CDYL2: variants seen among roughly 807,000 people sequenced by gnomAD.
The protein encoded by CDYL2 is chromodomain Y-like protein 2.
A neutral mutation model predicts 49.4 loss-of-function variants in CDYL2; 23 were observed. The ratio of observed to expected loss-of-function variants is 0.47; its 90% confidence interval spans 0.34 to 0.66. CDYL2 has a LOEUF of 0.66. Among genes scored for constraint, CDYL2 ranks in the 30% least tolerant of loss-of-function variants. The pLI is 0.01. For synonymous variants in CDYL2, 360 were observed against 268.8 expected, an observed-to-expected ratio of 1.34 and a Z score of -3.32; for missense variants, 678 against 656.4, an observed-to-expected ratio of 1.03 and a Z score of -0.36.
chr16:80,782,708 A>T (rs1907312247), intron 1 of CDYL2, among the ~76,000 whole-genome samples: 1 of 152,024 alleles, frequency 6.6e-6, no homozygotes, highest in Non-Finnish European at 1.5e-5. Context: ...AAATCAATAA[A>T]TGTAATATGT....
intron 2 of CDYL2, among the ~76,000 whole-genome samples, chr16:80,664,129 C>G (rs534431936): frequency 1.1e-4 from 16 of 152,136 alleles, no homozygotes; most frequent in Non-Finnish European, 7.3e-5. Flanking sequence ...TTTCTTGCAA[C>G]TCCCCTGCTC....
chr16:80,715,121 G>C (rs1047274493), intron 1 of CDYL2, among the ~76,000 whole-genome samples: 19 of 152,128 alleles, frequency 1.2e-4, no homozygotes, highest in African/African-American at 4.6e-4. Flanking sequence ...TGTAACTGCA[G>C]TACGGTACAC....
chr16:80,718,436 G>A (rs111341115), intron 1 of CDYL2, among the ~76,000 whole-genome samples: 11 of 152,206 alleles, frequency 7.2e-5, no homozygotes, highest in African/African-American at 2.7e-4. Context: ...TAATTTACAG[G>A]TGTGGAAACT....
intron 1 of CDYL2, among the ~76,000 whole-genome samples, chr16:80,773,162 T>C (rs554330047): frequency 2.0e-5 from 3 of 152,290 alleles, no homozygotes; most frequent in African/African-American, 7.2e-5. Flanking sequence ...GCTGTACTAA[T>C]ATCAGATATT....
chr16:80,644,103 T>G (rs1357704920), intron 2 of CDYL2, among the ~76,000 whole-genome samples: 1 of 152,240 alleles, frequency 6.6e-6, no homozygotes, highest in East Asian at 1.9e-4. Context: ...CTTTGCTGCT[T>G]AGAAATTTCT....
At position 80,722,515 on chromosome 16, in the gene CDYL2, C is replaced by T. The variant is rs553633400; in HGVS notation, c.25-37386G>A. Among the ~76,000 whole-genome samples, 6 of 152,298 alleles carry T rather than the reference C, an allele frequency of 3.9e-5. No individual in the cohort carries two copies. The South Asian group carries it at 6.2e-4, about 16-fold the overall frequency. ...CCAACAACGGCAAAGTCATCAACAA[C>T]GGAATGGGCACACAAGCTGCATGTA... On this transcript the variant is annotated intron_variant, in intron 1 of 6. Transcript: ENST00000570137.
At chr16:80,704,410 G>A (rs1021541562) in intron 1 of CDYL2, among the ~76,000 whole-genome samples, 3 of 152,238 alleles carry the variant, frequency 2.0e-5, no homozygotes, top group Admixed American at 6.5e-5. Flanking sequence ...CACTGCAGGA[G>A]ACACCAGAGG....
chr16:80,719,188 C>T (rs1033371017), intron 1 of CDYL2, among the ~76,000 whole-genome samples: 8 of 152,136 alleles, frequency 5.3e-5, no homozygotes, highest in Non-Finnish European at 1.0e-4. Context: ...CACTGACCCC[C>T]GTGAATGCAA....
chr16:80,735,734 G>A (rs552917625), intron 1 of CDYL2, among the ~76,000 whole-genome samples: 32 of 152,236 alleles, frequency 2.1e-4, no homozygotes, highest in East Asian at 1.4e-3. Flanking sequence ...CTGGACTCTC[G>A]ACAGAGTACT....
Position 80,603,113 on chromosome 16 carries a change from T to TC in CDYL2, c.*1274dup, listed in dbSNP as rs1248601137. On this transcript the variant is annotated 3_prime_UTR_variant, in exon 7 of 7. Coordinates refer to ENST00000570137, the MANE Select transcript of CDYL2 (RefSeq NM_152342.4). ...AGAAAACAGATGAGTCATTTCAGCT[T>TC]CTGGAGGGAAAAGATTCAGACCTCC... 2 of 152,148 alleles carry TC rather than the reference T, an allele frequency of 1.3e-5. No homozygotes were observed. Among genetic ancestry groups the TC allele is most frequent in the African/African-American group, 2.4e-5 (1 of 41,414 alleles). 9.4% of individuals were successfully genotyped at this position (152,148 alleles called of 1,614,324 possible).
At chr16:80,690,065 G>A (rs988279483) in intron 1 of CDYL2, among the ~76,000 whole-genome samples, 3 of 151,774 alleles carry the variant, frequency 2.0e-5, no homozygotes, top group Non-Finnish European at 4.4e-5. Context: ...AGGTTACAGT[G>A]AGGCGAGATC....
intron 1 of CDYL2, among the ~76,000 whole-genome samples, chr16:80,776,305 T>C (rs1187045680): frequency 6.6e-6 from 1 of 152,096 alleles, no homozygotes; most frequent in Non-Finnish European, 1.5e-5. Flanking sequence ...AAAGAATAGA[T>C]GTTTTGGAAA....
At chr16:80,694,459 T>C (rs766262137) in intron 1 of CDYL2, among the ~76,000 whole-genome samples, 1 of 149,900 alleles carries the variant, frequency 6.7e-6, no homozygotes, top group Non-Finnish European at 1.5e-5. Context: ...AAATAATTGA[T>C]AGGAAATGAA....
chr16:80,793,241 T>C (rs74030443), intron 1 of CDYL2, among the ~76,000 whole-genome samples: 1 of 152,184 alleles, frequency 6.6e-6, no homozygotes, highest in African/African-American at 2.4e-5. Flanking sequence ...CAGGGCGGTC[T>C]TTGTGCGTGC....
chr16:80,730,183 A>C lies in CDYL2; in HGVS notation c.25-45054T>G, dbSNP rs2142537836. Among the ~76,000 whole-genome samples the C allele has an allele frequency of 2.0e-5, 3 of 152,320 alleles. No homozygotes were observed. The East Asian group carries it at 5.8e-4, about 29-fold the overall frequency. ...CAGGATCTAGTTTTTTGAAAGGATC[A>C]ACAAAATTGATAGACCGCTAGCAAG... On this transcript the variant is annotated intron_variant, in intron 1 of 6. Transcript: ENST00000570137.
chr16:80,706,023 T>C (rs1904392949), intron 1 of CDYL2, among the ~76,000 whole-genome samples: 1 of 152,210 alleles, frequency 6.6e-6, no homozygotes, highest in Non-Finnish European at 1.5e-5. Context: ...AATCTGAACA[T>C]CACAGACATG....
intron 3 of CDYL2, among the ~76,000 whole-genome samples, chr16:80,630,850 T>C (rs1166280113): frequency 2.0e-5 from 3 of 152,000 alleles, no homozygotes; most frequent in Admixed American, 2.0e-4. Context: ...GCACAGCACC[T>C]CCCTCCCCAC....
Position 80,735,730 on chromosome 16 carries a change from T to A in CDYL2, c.25-50601A>T, listed in dbSNP as rs1268469959. The stretch of plus-strand genomic sequence containing the variant: ...GACCACATAGCAATAATCACTGGAC[T>A]CTCGACAGAGTACTCTGAAGCCATG... On this transcript the variant is annotated intron_variant, in intron 1 of 6. Transcript: ENST00000570137. 2.0e-5 allele frequency among the ~76,000 whole-genome samples: 3 copies of A among 152,338 alleles called. No individual in the cohort carries two copies. In the South Asian group the frequency reaches 6.2e-4, roughly 32 times the overall value.
intron 1 of CDYL2, among the ~76,000 whole-genome samples, chr16:80,719,517 T>A (rs1904927167): frequency 6.6e-6 from 1 of 152,212 alleles, no homozygotes; most frequent in African/African-American, 2.4e-5. Flanking sequence ...CCTCGTCATT[T>A]GTGTGCACTA....
Sources: allele counts gnomAD v4.1 joint callset (sites outside exome capture counted in the v4.1 genomes callset), GRCh38; gene constraint gnomAD v4.1.1; transcripts MANE v1.5; gene names NCBI Gene and HGNC (gene_info 2026-07-23, HGNC 2026-07-21).